ACSM2B: variants seen among roughly 807,000 people sequenced by gnomAD.
ACSM2B encodes acyl-CoA synthetase medium chain family member 2B.
Under a neutral mutation model 78.6 loss-of-function variants are expected in ACSM2B, and 58 were observed. The ratio of observed to expected loss-of-function variants is 0.74; its 90% CI spans 0.60 to 0.92. The LOEUF is 0.92. Ranked by LOEUF, ACSM2B falls within the 40% of genes least tolerant of loss-of-function variation. The probability of loss-of-function intolerance (pLI) is 0.00; values close to 1 mark genes in which losing one functional copy is unlikely to be tolerated. For synonymous variants in ACSM2B, 257 were observed against 256.8 expected, an observed-to-expected ratio of 1.00 and a Z score of -0.01; for missense variants, 688 against 711.2, an observed-to-expected ratio of 0.97 and a Z score of 0.37.
At chr16:20,540,849 T>A in intron 12 of ACSM2B, 76 bp from the exon 13 acceptor site, 1 of 1,565,462 alleles carries the variant, frequency 6.4e-7, no homozygotes, top group East Asian at 2.3e-5. Flanking sequence ...GAAATTAGCA[T>A]TAAGACTTGC....
In ACSM2B at chr16:20,552,259, A is replaced by G. The variant is rs1385418449; in HGVS notation, c.779T>C (p.Ile260Thr). 2 of 1,613,816 alleles carry G rather than the reference A, an allele frequency of 1.2e-6. No individual in the cohort carries two copies. Among genetic ancestry groups the G allele is most frequent in the Admixed American group, 3.3e-5 (2 of 59,990 alleles). ...GLQASDIMWTISDTGWILNIL... is the reference protein window; with the variant it reads ...GLQASDIMWTTSDTGWILNIL... ...GTTCAGTATCCAACCTGTGTCTGAT[A>G]TGGTCCACATTATATCAGAGGCTTG... Residue 260 changes from isoleucine (I) to threonine (T), a missense_variant, in exon 6 of 14, where the codon ATA (isoleucine) becomes ACA (threonine). Transcript: ENST00000329697.
chr16:20,570,054 T>C (rs1158397102), intron 1 of ACSM2B, among the ~76,000 whole-genome samples: 1 of 151,874 alleles, frequency 6.6e-6, no homozygotes, highest in Admixed American at 6.6e-5. Context: ...CATTTATTTC[T>C]TTCTCTTGTC....
At chr16:20,553,065 A>G (rs190061337) in intron 5 of ACSM2B, among the ~76,000 whole-genome samples, 78 of 152,264 alleles carry the variant, frequency 5.1e-4, no homozygotes, top group South Asian at 3.9e-3. Flanking sequence ...ACTGCCTTTT[A>G]CTGCAGCTCT....
At chr16:20,567,371 TA>T (rs1182636742) in intron 1 of ACSM2B, among the ~76,000 whole-genome samples, 4 of 116,730 alleles carry the variant, frequency 3.4e-5, no homozygotes, top group African/African-American at 1.4e-4. Context: ...ATATATTATA[TA>T]ATATATAGTA....
intron 12 of ACSM2B, chr16:20,541,254 T>G (rs1168830562): frequency 6.3e-6 from 1 of 158,770 alleles, no homozygotes; most frequent in Non-Finnish European, 1.4e-5. Context: ...TTGGCCTCAC[T>G]GCTCAGTGGT....
At chr16:20,555,246 G>T in intron 4 of ACSM2B, 23 bp downstream of exon 4, 1 of 1,613,730 alleles carries the variant, frequency 6.2e-7, no homozygotes, top group Non-Finnish European at 8.5e-7. Flanking sequence ...TTAAAACCCA[G>T]GATGAGACAT....
chr16:20,555,142 C>T, intron 4 of ACSM2B, 127 bp downstream of exon 4: 2 of 1,436,024 alleles, frequency 1.4e-6, no homozygotes, highest in Non-Finnish European at 9.4e-7. Context: ...TTTATTTCTT[C>T]CCAGCTTCAC....
chr16:20,566,411 T>A (rs1833979970), intron 1 of ACSM2B, among the ~76,000 whole-genome samples: 1 of 131,534 alleles, frequency 7.6e-6, no homozygotes, highest in Non-Finnish European at 1.6e-5. Flanking sequence ...ATATTATATA[T>A]CATATATGGG....
At position 20,567,417 on chromosome 16, in the gene ACSM2B, A is replaced by T. The variant is rs1226824596; in HGVS notation, c.-8-2564T>A. ...ATATACAATATATTATATAATATAT[A>T]ATATAGTATATTAATATATAATATA... On this transcript the variant is annotated intron_variant, in intron 1 of 13. Transcript: ENST00000329697. 5.0e-5 allele frequency among the ~76,000 whole-genome samples: 6 copies of T among 119,210 alleles called. No homozygotes were observed. The South Asian group carries it at 1.3e-3, about 27-fold the overall frequency. The allele number at this position is 119,210 out of a possible 152,430, so 78.2% of individuals were successfully genotyped here. A position where few individuals can be genotyped will look rare whatever the true frequency, so the allele number is the denominator to read the frequency against.
intron 4 of ACSM2B, among the ~76,000 whole-genome samples, chr16:20,554,819 G>A (rs753667918): frequency 6.6e-6 from 1 of 152,184 alleles, no homozygotes; most frequent in Non-Finnish European, 1.5e-5. Flanking sequence ...CAACCCACTT[G>A]GTGTTAACAC....
At position 20,543,240 on chromosome 16, in the gene ACSM2B, G is replaced by T; in HGVS notation, c.1304C>A (p.Ala435Asp). The T allele has an allele frequency of 3.1e-6, 5 of 1,613,566 alleles. No individual in the cohort carries two copies. Among genetic ancestry groups the T allele is most frequent in the Non-Finnish European group, 4.2e-6 (5 of 1,179,866 alleles). Residue 435 changes from alanine (A) to aspartate (D), a missense_variant, in exon 11 of 14, where the codon GCC (alanine) becomes GAC (aspartate). Transcript: ENST00000329697. ...GAGCCAAAAGTCTCCTCGAATGTTG[G>T]CTGCTGTCTTGTCGGGATTTTCCTG... ...GYVENPDKTAANIRGDFWLLG... is the reference protein window; with the variant it reads ...GYVENPDKTADNIRGDFWLLG...
At chr16:20,547,953 A>T in intron 8 of ACSM2B, 109 bp downstream of exon 8, 2 of 1,558,040 alleles carry the variant, frequency 1.3e-6, no homozygotes, top group Admixed American at 1.9e-5. Flanking sequence ...CTCAATAAAT[A>T]TTTCTCAAAT....
At chr16:20,574,765 A>G (rs1294078782) in intron 1 of ACSM2B, 1 of 150,238 alleles carries the variant, frequency 6.7e-6, no homozygotes, top group Non-Finnish European at 1.5e-5. Context: ...GCTTATGTCT[A>G]TTTTTCCACA....
At chr16:20,552,713 CTTT>C (rs1208012005) in intron 5 of ACSM2B, among the ~76,000 whole-genome samples, 1 of 152,166 alleles carries the variant, frequency 6.6e-6, no homozygotes, top group African/African-American at 2.4e-5. Flanking sequence ...CTTCTCTTTT[CTTT>C]AAGTACTGCA....
chr16:20,566,829 T>TTA (rs1281254582), intron 1 of ACSM2B, among the ~76,000 whole-genome samples: 1 of 116,942 alleles, frequency 8.6e-6, no homozygotes, highest in South Asian at 2.3e-4. Context: ...TTTATATCTT[T>TTA]TATATATATA....
intron 1 of ACSM2B, among the ~76,000 whole-genome samples, chr16:20,568,222 T>C (rs1402101515): frequency 6.9e-6 from 1 of 144,528 alleles, no homozygotes; most frequent in Non-Finnish European, 1.5e-5. Flanking sequence ...GTAAAAAATG[T>C]ATTTTATATG....
intron 1 of ACSM2B, among the ~76,000 whole-genome samples, chr16:20,568,593 G>A (rs1201380290): frequency 6.6e-6 from 1 of 151,316 alleles, no homozygotes; most frequent in Non-Finnish European, 1.5e-5. Context: ...CCCAGTAGTG[G>A]GATTGCTGGA....
Position 20,545,252 on chromosome 16 carries a change from C to G in ACSM2B, c.1186G>C (p.Asp396His). 6.2e-7 allele frequency: 1 copy of G among 1,613,162 alleles called. No individual in the cohort carries two copies. The highest frequency in any genetic ancestry group is 1.1e-5 in the South Asian group (1 of 90,890). ...GGGGGCAGGACGTTGCCCTTATCAT[C>G]TATAACCTGGAGAAAGAAGCATATT... is the stretch of plus-strand genomic sequence containing the variant. ...AASCYDVQVIDDKGNVLPPGT... is the reference protein window; with the variant it reads ...AASCYDVQVIHDKGNVLPPGT... Residue 396 changes from aspartate (D) to histidine (H), a missense_variant, in exon 10 of 14, where the codon GAT (aspartate) becomes CAT (histidine). Transcript: ENST00000329697.
At chr16:20,539,050 C>A (rs1033114079) in intron 13 of ACSM2B, among the ~76,000 whole-genome samples, 2 of 151,982 alleles carry the variant, frequency 1.3e-5, no homozygotes, top group Admixed American at 6.6e-5. Context: ...ACCGTAAAGA[C>A]CCCCTTCCCT....
Sources: gnomAD v4.1 joint callset for allele counts (sites outside exome capture counted in the v4.1 genomes callset) on GRCh38, gnomAD v4.1.1 for gene constraint, MANE v1.5 for transcripts, NCBI Gene and HGNC (gene_info 2026-07-23, HGNC 2026-07-21) for gene names.